VPS54: variants seen among roughly 807,000 people sequenced by gnomAD.
VPS54 encodes the protein VPS54 subunit of GARP complex, also known as vacuolar protein sorting-associated protein 54.
Under a neutral mutation model 121.5 loss-of-function variants are expected in VPS54, and 45 were observed. That is an observed-to-expected ratio of 0.37 (90% CI 0.29 to 0.47). The LOEUF is 0.47. Among genes scored for constraint, VPS54 ranks in the 20% least tolerant of loss-of-function variants. The pLI, the probability that VPS54 is intolerant of heterozygous loss-of-function variation, is 0.99. For missense variants in VPS54, 1,090 were observed against 1,131.4 expected (o/e 0.96, Z 0.52); for synonymous variants, 371 against 385.8 (o/e 0.96, Z 0.45).
chr2:64,008,140 C>T (rs1678253537), intron 1 of VPS54, among the ~76,000 whole-genome samples: 1 of 152,050 alleles, frequency 6.6e-6, no homozygotes, highest in African/African-American at 2.4e-5. Context: ...AGGCCGGGCG[C>T]AGTGGCTCAT....
chr2:63,950,804 G>C (rs958961514), intron 7 of VPS54, among the ~76,000 whole-genome samples: 2 of 151,958 alleles, frequency 1.3e-5, no homozygotes, highest in Non-Finnish European at 2.9e-5. Flanking sequence ...CCCAGAGTAG[G>C]GCACTTTTGT....
At chr2:63,998,231 A>C (rs1677696629) in intron 1 of VPS54, among the ~76,000 whole-genome samples, 1 of 152,092 alleles carries the variant, frequency 6.6e-6, no homozygotes, top group Non-Finnish European at 1.5e-5. Context: ...TTGTGTCTTG[A>C]AATCTATTTT....
chr2:63,911,180 C>T (rs1033314062), intron 20 of VPS54, among the ~76,000 whole-genome samples: 1 of 152,152 alleles, frequency 6.6e-6, no homozygotes, highest in African/African-American at 2.4e-5. Context: ...AAAAAGGAAA[C>T]TGGTAGAATA....
intron 1 of VPS54, among the ~76,000 whole-genome samples, chr2:64,003,958 C>A (rs542502386): frequency 6.6e-6 from 1 of 152,216 alleles, no homozygotes; most frequent in East Asian, 1.9e-4. Flanking sequence ...ATATGTAACT[C>A]CAGACATGGA....
intron 16 of VPS54, among the ~76,000 whole-genome samples, chr2:63,914,884 A>C (rs1575900636): frequency 6.6e-6 from 1 of 152,226 alleles, no homozygotes; most frequent in Middle Eastern, 3.4e-3. Flanking sequence ...CTGTAATCCC[A>C]GCACTTTGGG....
At chr2:63,933,063 G>A (rs1423776768) in intron 12 of VPS54, among the ~76,000 whole-genome samples, 1 of 152,134 alleles carries the variant, frequency 6.6e-6, no homozygotes, top group East Asian at 1.9e-4. Context: ...AAAAGAGAGG[G>A]AGGGAGGCAG....
chr2:63,936,023 T>C lies in VPS54; in HGVS notation c.1399-2010A>G, dbSNP rs574715763. Among the ~76,000 whole-genome samples the C allele has an allele frequency of 3.9e-5, 6 of 152,254 alleles. No homozygotes were observed. In the South Asian group the frequency reaches 1.0e-3, roughly 26 times the overall value. ...GAGGAAAGAGAAAGGCAAAGCTGAA[T>C]TGGAAACAGAGAAACTAAGCTGGAG... On this transcript the variant is annotated intron_variant, in intron 11 of 22. Transcript: ENST00000272322.
intron 20 of VPS54, among the ~76,000 whole-genome samples, chr2:63,909,418 T>C (rs979863631): frequency 2.3e-5 from 3 of 128,370 alleles, no homozygotes; most frequent in Admixed American, 1.6e-4. Context: ...GCTGCCTTTT[T>C]TTTTTTTTTT....
At chr2:63,956,936 T>G (rs1202118852) in intron 7 of VPS54, among the ~76,000 whole-genome samples, 1 of 152,102 alleles carries the variant, frequency 6.6e-6, no homozygotes, top group Non-Finnish European at 1.5e-5. Context: ...TAACTAAAGA[T>G]TTTCTGTATC....
chr2:63,923,066 C>A (rs1575911670), intron 12 of VPS54, among the ~76,000 whole-genome samples: 1 of 152,208 alleles, frequency 6.6e-6, no homozygotes. Flanking sequence ...GTAATCCCAG[C>A]ACTTTGGAAG....
intron 20 of VPS54, among the ~76,000 whole-genome samples, chr2:63,908,199 T>C (rs1030680280): frequency 6.6e-6 from 1 of 152,102 alleles, no homozygotes; most frequent in African/African-American, 2.4e-5. Flanking sequence ...GATAAACAAA[T>C]AGCAGTGAAT....
chr2:64,016,765 T>TGC (rs1416249714), intron 1 of VPS54, among the ~76,000 whole-genome samples: 2 of 151,750 alleles, frequency 1.3e-5, no homozygotes, highest in Non-Finnish European at 2.9e-5. Context: ...CTCACCCCCA[T>TGC]GCCCGGCTAA....
At chr2:63,908,218 T>C (rs960422669) in intron 20 of VPS54, among the ~76,000 whole-genome samples, 10 of 152,156 alleles carry the variant, frequency 6.6e-5, no homozygotes, top group African/African-American at 2.2e-4. Context: ...ATCCATACAA[T>C]GAATACTACT....
intron 20 of VPS54, among the ~76,000 whole-genome samples, chr2:63,911,599 T>C (rs1673152839): frequency 6.6e-6 from 1 of 152,226 alleles, no homozygotes; most frequent in Non-Finnish European, 1.5e-5. Context: ...TAGTCTTGTG[T>C]GTGAGTGAAT....
At chr2:63,922,215 A>G (rs953361093) in intron 12 of VPS54, among the ~76,000 whole-genome samples, 1 of 152,142 alleles carries the variant, frequency 6.6e-6, no homozygotes, top group South Asian at 2.1e-4. Flanking sequence ...AAAACTTTCT[A>G]TTTTTAAACA....
At chr2:63,922,260 T>C (rs1673682475) in intron 12 of VPS54, among the ~76,000 whole-genome samples, 1 of 152,190 alleles carries the variant, frequency 6.6e-6, no homozygotes. Context: ...GACCAATGAT[T>C]CCATGCCATC....
intron 20 of VPS54, among the ~76,000 whole-genome samples, chr2:63,911,858 A>T (rs1673163708): frequency 6.6e-6 from 1 of 152,232 alleles, no homozygotes; most frequent in Non-Finnish European, 1.5e-5. Context: ...AGATAGATCA[A>T]GCGTGATTGG....
chr2:63,998,902 G>A (rs1180843251), intron 1 of VPS54, among the ~76,000 whole-genome samples: 1 of 151,864 alleles, frequency 6.6e-6, no homozygotes, highest in Non-Finnish European at 1.5e-5. Flanking sequence ...ATCTTCAGAT[G>A]GTATCTTTTT....
intron 4 of VPS54, among the ~76,000 whole-genome samples, chr2:63,969,927 A>C (rs1352606820): frequency 6.6e-6 from 1 of 151,818 alleles, no homozygotes; most frequent in Non-Finnish European, 1.5e-5. Context: ...GCTTTTTTAT[A>C]CTACATTAAT....
Sources: allele counts gnomAD v4.1 joint callset (sites outside exome capture counted in the v4.1 genomes callset), GRCh38; gene constraint gnomAD v4.1.1; transcripts MANE v1.5; gene names NCBI Gene and HGNC (gene_info 2026-07-23, HGNC 2026-07-21).